NBEAL1: variants seen among roughly 807,000 people sequenced by gnomAD.
NBEAL1 encodes the protein neurobeachin like 1.
Under a neutral mutation model 351.3 loss-of-function variants are expected in NBEAL1, and 273 were observed. The observed-to-expected ratio is 0.78, with a 90% CI of 0.70 to 0.86. The LOEUF is 0.86. Among genes scored for constraint, NBEAL1 ranks in the 40% least tolerant of loss-of-function variants. The probability of loss-of-function intolerance (pLI) is 0.00; values close to 1 mark genes in which losing one functional copy is unlikely to be tolerated. For synonymous variants in NBEAL1, 1,050 were observed against 1,086.4 expected, an observed-to-expected ratio of 0.97 and a Z score of 0.66; for missense variants, 2,961 against 3,201.3, an observed-to-expected ratio of 0.92 and a Z score of 1.81.
chr2:203,116,518 T>C (rs1185913487), intron 18 of NBEAL1, among the ~76,000 whole-genome samples: 1 of 151,782 alleles, frequency 6.6e-6, no homozygotes, highest in Admixed American at 6.6e-5. Context: ...CTCACACTTG[T>C]AATCCCAGCA....
In NBEAL1 at chr2:203,122,473, C is replaced by A. The variant is rs182752736; in HGVS notation, c.2682+130C>A. 227 of 597,398 alleles carry A rather than the reference C, an allele frequency of 3.8e-4. 1 individual carries two copies. In the African/African-American group the frequency reaches 4.0e-3, roughly 11 times the overall value. 37.0% of individuals were successfully genotyped at this position (597,398 alleles called of 1,614,324 possible). ...TCAGTTAAAGGGTTATGCAAACATA[C>A]AATTTGAAGGGTAAACAAATGCAAA... is the stretch of plus-strand genomic sequence containing the variant. On this transcript the variant is annotated intron_variant, in intron 19 of 55. Transcript: ENST00000683969.
In NBEAL1 at chr2:203,040,434, A is replaced by T; in HGVS notation, c.52-1331A>T. On this transcript the variant is annotated intron_variant, in intron 2 of 55. Coordinates refer to ENST00000683969, the MANE Select transcript of NBEAL1 (RefSeq NM_001378026.1). ...TACCGGTGGAGAGAACCGTTGTAAGACTTCGCCTGAAGAAAATGTTTAGTG... is the reference window on the plus strand; with the variant it reads ...TACCGGTGGAGAGAACCGTTGTAAGTCTTCGCCTGAAGAAAATGTTTAGTG... 2.8e-6 allele frequency: 2 copies of T among 720,070 alleles called. 1 individual carries two copies. 44.6% of individuals were successfully genotyped at this position (720,070 alleles called of 1,614,324 possible).
intron 24 of NBEAL1, among the ~76,000 whole-genome samples, chr2:203,129,678 T>C (rs1417885928): frequency 3.3e-5 from 5 of 152,150 alleles, no homozygotes. Flanking sequence ...AGTTTACAAA[T>C]AACTATAAAC....
chr2:203,104,803 T>C (rs976874015), intron 12 of NBEAL1, among the ~76,000 whole-genome samples: 3 of 152,198 alleles, frequency 2.0e-5, no homozygotes, highest in Non-Finnish European at 2.9e-5. Flanking sequence ...CCTTCACTTA[T>C]GAAGCTTAGT....
chr2:203,022,382 A>T (rs574988469), intron 2 of NBEAL1, among the ~76,000 whole-genome samples: 10 of 152,226 alleles, frequency 6.6e-5, no homozygotes, highest in South Asian at 4.1e-4. Context: ...GCTTTAAAAA[A>T]TTTTTTATTT....
At chr2:203,204,947 T>C (rs2065511108) in intron 51 of NBEAL1, among the ~76,000 whole-genome samples, 1 of 152,124 alleles carries the variant, frequency 6.6e-6, no homozygotes, top group Non-Finnish European at 1.5e-5. Flanking sequence ...TACAATCATG[T>C]GATCTGAAAA....
At chr2:203,074,430 C>T (rs528369226) in intron 7 of NBEAL1, among the ~76,000 whole-genome samples, 1 of 148,728 alleles carries the variant, frequency 6.7e-6, no homozygotes, top group Admixed American at 6.8e-5. Flanking sequence ...CGGGTTCAAG[C>T]GATTCTAATG....
intron 45 of NBEAL1, among the ~76,000 whole-genome samples, 153 bp from the exon 46 acceptor site, chr2:203,190,135 CAAAA>C (rs879218352): frequency 8.7e-6 from 1 of 114,924 alleles, no homozygotes; most frequent in East Asian, 2.5e-4. Context: ...GACTCTGTCT[CAAAA>C]AAAAAAAAAA....
Position 203,127,868 on chromosome 2 carries a change from C to A in NBEAL1, c.3336C>A (p.Cys1112Ter). ...ATGGACTAATTAAATATTTTCTGTG[C>A]AAAGGTGGATCTCATGAAGAGATAC... ...SLYGLIKYFLCKGGSHEEIQS... is the reference protein window; with the variant it reads ...SLYGLIKYFL Residue 1112 changes from cysteine to a stop codon, truncating the protein, a stop_gained, in exon 24 of 56, where the codon TGC (cysteine) becomes TGA (stop). Transcript: ENST00000683969. LOFTEE classifies it high-confidence loss of function. 4 of 1,551,106 alleles carry A rather than the reference C, an allele frequency of 2.6e-6. No homozygotes were observed. Among genetic ancestry groups the A allele is most frequent in the Non-Finnish European group, 3.5e-6 (4 of 1,144,678 alleles).
chr2:203,180,016 C>T (rs914731111), intron 42 of NBEAL1, among the ~76,000 whole-genome samples: 5 of 152,118 alleles, frequency 3.3e-5, no homozygotes, highest in Non-Finnish European at 7.4e-5. Context: ...TGAGGTAATC[C>T]ACCCACCTCA....
At chr2:203,071,953 AC>A (rs901092717) in intron 7 of NBEAL1, among the ~76,000 whole-genome samples, 35 of 151,992 alleles carry the variant, frequency 2.3e-4, no homozygotes, top group Admixed American at 1.3e-3. Context: ...GTCACCCCCC[AC>A]CCCAGGTCTC....
intron 51 of NBEAL1, among the ~76,000 whole-genome samples, chr2:203,205,058 C>T (rs942247324): frequency 2.6e-5 from 4 of 151,994 alleles, no homozygotes; most frequent in African/African-American, 7.2e-5. Flanking sequence ...TGAGCATCCC[C>T]GCCTTATATC....
Position 203,049,922 on chromosome 2 carries a change from A to G in NBEAL1, c.252A>G (p.Glu84=). 6.4e-7 allele frequency: 1 copy of G among 1,556,296 alleles called. No individual in the cohort carries two copies. Among genetic ancestry groups the G allele is most frequent in the Non-Finnish European group, 8.7e-7 (1 of 1,148,280 alleles). ...CVQKMADGLE[E]QQQALSILLV... is the part of the protein sequence containing the mutation. ...AGAAAATGGCAGATGGGTTAGAGGA[A>G]CAACAGCAAGCCTTGTCAATTTTGC... Residue 84 remains glutamate (E), a synonymous_variant, in exon 4 of 56, where the codon GAA becomes GAG. Coordinates refer to ENST00000683969, the MANE Select transcript of NBEAL1 (RefSeq NM_001378026.1).
At chr2:203,015,149 G>A (rs189918575) in intron 1 of NBEAL1, among the ~76,000 whole-genome samples, 167 bp downstream of exon 1, 76 of 152,306 alleles carry the variant, frequency 5.0e-4, no homozygotes, top group East Asian at 2.1e-3. Context: ...TGGGATCGCG[G>A]TCGGGAGACG....
chr2:203,173,510 T>C (rs1221047440), intron 41 of NBEAL1, among the ~76,000 whole-genome samples: 3 of 152,156 alleles, frequency 2.0e-5, no homozygotes, highest in Non-Finnish European at 4.4e-5. Flanking sequence ...AACTTAGTTA[T>C]AGATTGATAT....
In NBEAL1 at chr2:203,113,198, T is replaced by C; in HGVS notation, c.2386T>C (p.Ser796Pro). The change falls in exon 17 of 56, where the codon TCA (serine) becomes CCA (proline). Residue 796 changes from serine to proline, a missense_variant. By Grantham distance (74) the Ser-to-Pro change is moderately conservative. Transcript: ENST00000683969. Reference sequence around the variant, plus strand: ...ATCAAAATTGATTACCAAATTGATATCAGCTGGAACCCAAGACAGTGAATG... The same window carrying C: ...ATCAAAATTGATTACCAAATTGATACCAGCTGGAACCCAAGACAGTGAATG... The part of the protein sequence containing the change: ...EKSKLITKLI[S>P]AGTQDSEWGC... 1.9e-6 allele frequency: 3 copies of C among 1,550,780 alleles called. No homozygotes were observed. The highest frequency in any genetic ancestry group is 1.7e-4 in the Middle Eastern group (1 of 5,988).
chr2:203,215,121 G>T (rs2065874891), intron 55 of NBEAL1, among the ~76,000 whole-genome samples: 2 of 152,122 alleles, frequency 1.3e-5, no homozygotes. Flanking sequence ...ACTTTGGAAG[G>T]CCAAGGCGGG....
Position 203,152,823 on chromosome 2 carries a change from G to A in NBEAL1, c.5587+1234G>A, listed in dbSNP as rs187982658. On this transcript the variant is annotated intron_variant, in intron 35 of 55. Transcript: ENST00000683969. ...AGGCCGCGGCAGCAGATCACCTGAG[G>A]TCAGGAGCTCGAGACCTCGAGCTGG... Among the ~76,000 whole-genome samples, 654 of 151,758 alleles carry A rather than the reference G, an allele frequency of 4.3e-3. 7 individuals are homozygous for A. Among genetic ancestry groups the A allele is most frequent in the Non-Finnish European group, 5.6e-3 (378 of 67,906 alleles).
At chr2:203,148,627 A>G (rs1020532971) in intron 33 of NBEAL1, among the ~76,000 whole-genome samples, 4 of 152,034 alleles carry the variant, frequency 2.6e-5, no homozygotes, top group African/African-American at 7.2e-5. Flanking sequence ...CTCATTTTAG[A>G]TGCCTTATAA....
Sources: gnomAD v4.1 joint callset for allele counts (sites outside exome capture counted in the v4.1 genomes callset) on GRCh38, gnomAD v4.1.1 for gene constraint, MANE v1.5 for transcripts, NCBI Gene and HGNC (gene_info 2026-07-23, HGNC 2026-07-21) for gene names.